Variants in DNAH14 observed in about 807,000 individuals in gnomAD.
DNAH14 encodes dynein axonemal heavy chain 14, also known as axonemal beta dynein heavy chain 14.
In DNAH14, 478 loss-of-function variants were observed where a neutral mutation model predicts 520.9. The ratio of observed to expected loss-of-function variants is 0.92; its 90% CI spans 0.85 to 0.99. The LOEUF is 0.99. DNAH14 is among the 50% of genes least tolerant of loss of function. DNAH14 has a pLI of 0.00. For synonymous variants in DNAH14, 1,581 were observed against 1,757.2 expected, an observed-to-expected ratio of 0.90 and a Z score of 2.51; for missense variants, 4,831 against 5,234.5, an observed-to-expected ratio of 0.92 and a Z score of 2.38.
At chr1:224,976,531 A>G (rs1415727012) in intron 8 of DNAH14, among the ~76,000 whole-genome samples, 2 of 152,200 alleles carry the variant, frequency 1.3e-5, no homozygotes, top group Admixed American at 6.5e-5. Context: ...AAAAGAAACT[A>G]CCATCAAAGT....
rs972619763 is a variant in DNAH14, at chr1:225,060,328, C to T, written c.2424+8533C>T. On this transcript the variant is annotated intron_variant, in intron 17 of 85. Coordinates refer to ENST00000682510, the MANE Select transcript of DNAH14 (RefSeq NM_001367479.1). ...AATCAACTACTGAGGCTTGTGCATT[C>T]GTCACATAGTTCTCATGCCTTGGTT... Among the ~76,000 whole-genome samples, 9 of 152,110 alleles carry T rather than the reference C, an allele frequency of 5.9e-5. No homozygotes were observed. In the East Asian group the frequency reaches 1.5e-3, roughly 26 times the overall value.
intron 1 of DNAH14, among the ~76,000 whole-genome samples, chr1:224,930,844 C>G (rs993665959): frequency 6.6e-6 from 1 of 152,160 alleles, no homozygotes; most frequent in African/African-American, 2.4e-5. Flanking sequence ...ATGATCTGCC[C>G]ACCTCGGAGT....
intron 83 of DNAH14, among the ~76,000 whole-genome samples, chr1:225,391,113 G>C (rs2095905077): frequency 6.6e-6 from 1 of 152,214 alleles, no homozygotes; most frequent in Non-Finnish European, 1.5e-5. Flanking sequence ...CCCCAAAAGG[G>C]AGAATGATGC....
chr1:225,320,747 A>C (rs1176028896), intron 61 of DNAH14, among the ~76,000 whole-genome samples: 1 of 152,218 alleles, frequency 6.6e-6, no homozygotes, highest in Non-Finnish European at 1.5e-5. Context: ...AGATTGGAGA[A>C]AATGAGGAAA....
intron 31 of DNAH14, among the ~76,000 whole-genome samples, chr1:225,147,906 T>G (rs61849836): frequency 0.087 from 13,259 of 152,224 alleles, 866 homozygotes; most frequent in East Asian, 0.3. Context: ...TCTACTGCAT[T>G]AATTTGCTTT....
At chr1:224,993,777 T>G (rs948264308) in intron 8 of DNAH14, among the ~76,000 whole-genome samples, 9 of 152,066 alleles carry the variant, frequency 5.9e-5, no homozygotes, top group African/African-American at 9.6e-5. Flanking sequence ...ATTAAGTTGT[T>G]TATTTGAGAT....
Position 225,252,174 on chromosome 1 carries a change from A to G in DNAH14, c.6749-127A>G, listed in dbSNP as rs917428405. ...GGAAAACAGGCCTATACACTTGGATATACCCTTGGTGAATACTTATTATTT... is the reference window on the plus strand; with the variant it reads ...GGAAAACAGGCCTATACACTTGGATGTACCCTTGGTGAATACTTATTATTT... On this transcript the variant is annotated intron_variant, in intron 43 of 85. Coordinates refer to ENST00000682510, the MANE Select transcript of DNAH14 (RefSeq NM_001367479.1). 7 of 674,678 alleles carry G rather than the reference A, an allele frequency of 1.0e-5. No homozygotes were observed. In the Admixed American group the frequency reaches 1.7e-4, roughly 16 times the overall value. 41.8% of individuals were successfully genotyped at this position (674,678 alleles called of 1,614,324 possible).
At chr1:224,965,956 A>G (rs2061142373) in intron 5 of DNAH14, among the ~76,000 whole-genome samples, 1 of 152,150 alleles carries the variant, frequency 6.6e-6, no homozygotes, top group South Asian at 2.1e-4. Context: ...TAATTGAAAA[A>G]ATAATTTAAT....
intron 65 of DNAH14, 55 bp downstream of exon 65, chr1:225,331,632 C>A: frequency 6.5e-7 from 1 of 1,546,588 alleles, no homozygotes; most frequent in Non-Finnish European, 8.7e-7. Context: ...GGCCCAACAA[C>A]CCCCAAGATG....
intron 76 of DNAH14, among the ~76,000 whole-genome samples, chr1:225,365,766 G>T (rs2095545206): frequency 6.6e-6 from 1 of 151,872 alleles, no homozygotes. Context: ...TTGGTCAGGA[G>T]AGGGGAATTG....
chr1:225,013,545 C>T (rs1372857353), intron 10 of DNAH14, among the ~76,000 whole-genome samples: 1 of 152,182 alleles, frequency 6.6e-6, no homozygotes, highest in Non-Finnish European at 1.5e-5. Flanking sequence ...TCTGCTGAAG[C>T]TCTCCCACAG....
intron 18 of DNAH14, 124 bp downstream of exon 18, chr1:225,079,672 C>CCTT: frequency 3.1e-6 from 1 of 326,116 alleles, no homozygotes; most frequent in Non-Finnish European, 5.0e-6. Flanking sequence ...TACAAGTATT[C>CCTT]TTTTTTTTTT....
intron 42 of DNAH14, among the ~76,000 whole-genome samples, chr1:225,234,015 A>G (rs778634114): frequency 2.0e-4 from 30 of 152,198 alleles, no homozygotes; most frequent in Non-Finnish European, 3.1e-4. Flanking sequence ...TGGCTAGCCA[A>G]TTCTCCCAGC....
intron 71 of DNAH14, among the ~76,000 whole-genome samples, chr1:225,348,194 A>C (rs1423076428): frequency 6.6e-6 from 1 of 152,120 alleles, no homozygotes; most frequent in Non-Finnish European, 1.5e-5. Flanking sequence ...AGAAAATAAA[A>C]AATTAAAAAG....
At chr1:224,990,552 T>G (rs573582500) in intron 8 of DNAH14, among the ~76,000 whole-genome samples, 36 of 152,316 alleles carry the variant, frequency 2.4e-4, no homozygotes, top group Middle Eastern at 3.4e-3. Context: ...TATGAGAACA[T>G]GTGTCATTTG....
At chr1:225,291,482 T>G (rs2093888179) in intron 55 of DNAH14, among the ~76,000 whole-genome samples, 1 of 152,110 alleles carries the variant, frequency 6.6e-6, no homozygotes, top group African/African-American at 2.4e-5. Context: ...AGTGGTGCAA[T>G]CATGGCTCAC....
At chr1:225,106,910 C>T (rs2076105929) in intron 23 of DNAH14, among the ~76,000 whole-genome samples, 1 of 152,160 alleles carries the variant, frequency 6.6e-6, no homozygotes, top group South Asian at 2.1e-4. Flanking sequence ...CAGCATTGTT[C>T]CGTTGCTGGT....
In DNAH14 at chr1:225,323,662, C is replaced by T. The variant is rs188029971; in HGVS notation, c.9496-560C>T. Among the ~76,000 whole-genome samples, 165 of 152,160 alleles carry T rather than the reference C, an allele frequency of 1.1e-3. 1 individual carries two copies. The highest frequency in any genetic ancestry group is 3.8e-3 in the African/African-American group (157 of 41,492). On this transcript the variant is annotated intron_variant, in intron 62 of 85. Transcript: ENST00000682510. ...ATTTTTAGTAGAGACATGGTTTCAC[C>T]ATGTTGGTCAGGCTGGTCTTGAACT...
At chr1:225,253,743 A>G (rs2092639743) in intron 44 of DNAH14, among the ~76,000 whole-genome samples, 1 of 152,198 alleles carries the variant, frequency 6.6e-6, no homozygotes, top group Non-Finnish European at 1.5e-5. Context: ...GGGATTATAG[A>G]GAAACATGTA....
Sources: gnomAD v4.1 joint callset for allele counts (sites outside exome capture counted in the v4.1 genomes callset) on GRCh38, gnomAD v4.1.1 for gene constraint, MANE v1.5 for transcripts, NCBI Gene and HGNC (gene_info 2026-07-23, HGNC 2026-07-21) for gene names.